The following BTBD9 variants were observed in gnomAD, a reference collection of about 807,000 sequenced individuals.
The protein encoded by BTBD9 is BTB/POZ domain-containing protein 9.
Under a neutral mutation model 64.3 loss-of-function variants are expected in BTBD9, and 49 were observed. The ratio of observed to expected loss-of-function variants is 0.76; its 90% CI spans 0.61 to 0.97. The LOEUF (loss-of-function observed/expected upper bound fraction) is 0.97. BTBD9 is among the 50% of genes least tolerant of loss of function. The pLI, the probability that BTBD9 is intolerant of heterozygous loss-of-function variation, is 0.00. For missense variants in BTBD9, 598 were observed against 762.1 expected (o/e 0.78, Z 2.53); for synonymous variants, 260 against 274.7 (o/e 0.95, Z 0.53).
intron 7 of BTBD9, among the ~76,000 whole-genome samples, chr6:38,303,041 C>T (rs1762474302): frequency 6.6e-6 from 1 of 152,120 alleles, no homozygotes; most frequent in Non-Finnish European, 1.5e-5. Context: ...TGAATATTAA[C>T]CCCTTATCAG....
chr6:38,624,677 C>T (rs985454117), intron 1 of BTBD9, among the ~76,000 whole-genome samples: 1 of 148,928 alleles, frequency 6.7e-6, no homozygotes, highest in Non-Finnish European at 1.5e-5. Flanking sequence ...TCCTACCCCC[C>T]ATCCAGAAAA....
intron 10 of BTBD9, among the ~76,000 whole-genome samples, chr6:38,177,223 C>G (rs1761308019): frequency 6.6e-6 from 1 of 152,200 alleles, no homozygotes; most frequent in Admixed American, 6.5e-5. Context: ...AATTGACTTA[C>G]GTTTGTCCTA....
intron 1 of BTBD9, among the ~76,000 whole-genome samples, chr6:38,602,494 A>T (rs1038796817): frequency 1.3e-5 from 2 of 152,214 alleles, no homozygotes; most frequent in Admixed American, 6.5e-5. Context: ...TATCTTGTTT[A>T]AAAAAATACA....
intron 6 of BTBD9, among the ~76,000 whole-genome samples, chr6:38,435,969 C>G (rs1768718462): frequency 2.0e-5 from 3 of 151,490 alleles, no homozygotes; most frequent in Non-Finnish European, 4.4e-5. Context: ...TCACCCAGCC[C>G]AGAGAGTATA....
At chr6:38,236,989 G>A (rs1763801064) in intron 9 of BTBD9, among the ~76,000 whole-genome samples, 1 of 152,148 alleles carries the variant, frequency 6.6e-6, no homozygotes, top group South Asian at 2.1e-4. Context: ...AGGGGCCCAG[G>A]GGAAGCCTGA....
intron 6 of BTBD9, among the ~76,000 whole-genome samples, chr6:38,357,475 G>T (rs1268691170): frequency 6.6e-6 from 1 of 152,170 alleles, no homozygotes; most frequent in Admixed American, 6.5e-5. Context: ...AGTGAGAATT[G>T]ATGTGTTCTG....
chr6:38,432,210 G>T (rs1768472992), intron 6 of BTBD9, among the ~76,000 whole-genome samples: 1 of 152,006 alleles, frequency 6.6e-6, no homozygotes, highest in Non-Finnish European at 1.5e-5. Context: ...GCCAGAAGCT[G>T]CCACCATGCC....
intron 8 of BTBD9, among the ~76,000 whole-genome samples, chr6:38,281,986 A>G (rs193079555): frequency 5.3e-5 from 8 of 152,318 alleles, no homozygotes; most frequent in Admixed American, 5.2e-4. Flanking sequence ...TGATAGGTAT[A>G]CTTAATGCAT....
intron 7 of BTBD9, among the ~76,000 whole-genome samples, chr6:38,319,283 A>G (rs1170443677): frequency 1.3e-5 from 2 of 152,172 alleles, no homozygotes; most frequent in African/African-American, 4.8e-5. Context: ...CTAAGCTGCA[A>G]GATGTTGCTC....
At chr6:38,283,685 T>C (rs190535833) in intron 8 of BTBD9, among the ~76,000 whole-genome samples, 11 of 152,300 alleles carry the variant, frequency 7.2e-5, no homozygotes, top group Admixed American at 2.0e-4. Context: ...ATACCATTGA[T>C]TGGGCCCTAC....
In BTBD9 at chr6:38,171,846, C is replaced by CAAAAAAAAAAAAAAAAAA. The variant is rs869155666; in HGVS notation, c.*3121_*3138dup. On this transcript the variant is annotated 3_prime_UTR_variant, in exon 11 of 11. Coordinates refer to ENST00000481247, the MANE Select transcript of BTBD9 (RefSeq NM_001099272.2). ...TCCAATGAAGTTGCCTTTCTACTCT[C>CAAAAAAAAAAAAAAAAAA]AAAAAAAAAAAAAAAAAAAAAAAAA... The CAAAAAAAAAAAAAAAAAA allele has an allele frequency of 1.8e-4, 14 of 79,216 alleles. No homozygotes were observed. Among genetic ancestry groups the CAAAAAAAAAAAAAAAAAA allele is most frequent in the Non-Finnish European group, 2.4e-4 (11 of 45,694 alleles). 4.9% of individuals were successfully genotyped at this position (79,216 alleles called of 1,614,324 possible).
chr6:38,305,756 T>G (rs1278465811), intron 7 of BTBD9, among the ~76,000 whole-genome samples: 1 of 152,148 alleles, frequency 6.6e-6, no homozygotes, highest in East Asian at 1.9e-4. Context: ...AGTGCTAAGA[T>G]TACAGGTATG....
intron 6 of BTBD9, among the ~76,000 whole-genome samples, chr6:38,457,590 G>C (rs1051407933): frequency 3.9e-5 from 6 of 152,082 alleles, no homozygotes; most frequent in African/African-American, 1.4e-4. Context: ...GATTGGAGGA[G>C]TGAAAAATCA....
intron 6 of BTBD9, among the ~76,000 whole-genome samples, chr6:38,440,282 G>A (rs776227133): frequency 1.3e-5 from 2 of 152,108 alleles, no homozygotes; most frequent in Non-Finnish European, 2.9e-5. Flanking sequence ...AGGAGGAACC[G>A]GCAAAACGCA....
chr6:38,584,108 C>T (rs1374729516), intron 4 of BTBD9, among the ~76,000 whole-genome samples: 1 of 152,152 alleles, frequency 6.6e-6, no homozygotes, highest in Non-Finnish European at 1.5e-5. Flanking sequence ...AGGTGGATTG[C>T]TTGAGTACAG....
At chr6:38,450,181 G>T (rs1390291348) in intron 6 of BTBD9, among the ~76,000 whole-genome samples, 3 of 152,184 alleles carry the variant, frequency 2.0e-5, no homozygotes, top group African/African-American at 7.2e-5. Flanking sequence ...AATACTGCAG[G>T]ATCTCACTCA....
chr6:38,621,411 C>T (rs1777977522), intron 1 of BTBD9, among the ~76,000 whole-genome samples: 1 of 152,156 alleles, frequency 6.6e-6, no homozygotes, highest in African/African-American at 2.4e-5. Flanking sequence ...TGGAAGTCCC[C>T]TTAGCTAATC....
At chr6:38,278,304 C>CA (rs1761368093) in intron 8 of BTBD9, among the ~76,000 whole-genome samples, 1 of 152,060 alleles carries the variant, frequency 6.6e-6, no homozygotes, top group Non-Finnish European at 1.5e-5. Context: ...ACAAACAAAA[C>CA]AAAAAATAAA....
intron 6 of BTBD9, among the ~76,000 whole-genome samples, chr6:38,489,007 T>C (rs1225526025): frequency 1.3e-5 from 2 of 151,722 alleles, no homozygotes; most frequent in African/African-American, 4.8e-5. Context: ...GGGATCCTCC[T>C]GCTTCAGCTT....
Sources: allele counts gnomAD v4.1 joint callset (sites outside exome capture counted in the v4.1 genomes callset), GRCh38; gene constraint gnomAD v4.1.1; transcripts MANE v1.5; gene names NCBI Gene and HGNC (gene_info 2026-07-23, HGNC 2026-07-21).